Variants in GRM8 observed in about 807,000 individuals in gnomAD.
GRM8 encodes metabotropic glutamate receptor 8.
In GRM8, 47 loss-of-function variants were observed where a neutral mutation model predicts 87.2. The ratio of observed to expected loss-of-function variants is 0.54; its 90% confidence interval spans 0.43 to 0.69. GRM8 has a LOEUF of 0.69. Ranked by LOEUF, GRM8 falls within the 30% of genes least tolerant of loss-of-function variation. GRM8 has a pLI of 0.00. For missense variants in GRM8, 1,019 were observed against 1,139.2 expected (o/e 0.89, Z 1.52); for synonymous variants, 396 against 404.5 (o/e 0.98, Z 0.25).
intron 3 of GRM8, among the ~76,000 whole-genome samples, chr7:127,031,316 T>C (rs1370035620): frequency 6.6e-6 from 1 of 152,170 alleles, no homozygotes; most frequent in Non-Finnish European, 1.5e-5. Context: ...ATATTATTTG[T>C]CATTATCTGC....
intron 6 of GRM8, among the ~76,000 whole-genome samples, chr7:126,776,199 T>C (rs1819452275): frequency 6.6e-6 from 1 of 151,944 alleles, no homozygotes; most frequent in Non-Finnish European, 1.5e-5. Context: ...CAAGCATAGG[T>C]TGAAGGTAGA....
At chr7:126,796,010 A>G (rs1821908847) in intron 6 of GRM8, among the ~76,000 whole-genome samples, 1 of 152,162 alleles carries the variant, frequency 6.6e-6, no homozygotes, top group East Asian at 1.9e-4. Flanking sequence ...GAAGAATTTC[A>G]GCTTCTAATT....
intron 2 of GRM8, among the ~76,000 whole-genome samples, chr7:127,232,237 G>GAT (rs1281027249): frequency 1.4e-5 from 2 of 140,374 alleles, no homozygotes; most frequent in Admixed American, 7.1e-5. Flanking sequence ...GAGAGAGAGA[G>GAT]AGACAGACAG....
chr7:127,106,572 A>C lies in GRM8; in HGVS notation c.651T>G (p.Tyr217Ter). ...VDIVTALGWNYVSTLASEGNY... is the reference protein window; with the variant it reads ...VDIVTALGWN ...TCCCCTCAGAAGCCAGTGTCGAAAC[A>C]TAATTCCATCCCAGTGCTGTCACGA... Residue 217 changes from tyrosine to a stop codon, truncating the protein, a stop_gained, in exon 3 of 11, where the codon TAT becomes TAG. Transcript: ENST00000339582. LOFTEE classifies it high-confidence loss of function. 6.2e-7 allele frequency: 1 copy of C among 1,614,174 alleles called. No homozygotes were observed. The highest frequency in any genetic ancestry group is 8.5e-7 in the Non-Finnish European group (1 of 1,180,010).
chr7:127,083,929 C>A (rs1823156960), intron 3 of GRM8, among the ~76,000 whole-genome samples: 1 of 152,162 alleles, frequency 6.6e-6, no homozygotes, highest in Admixed American at 6.5e-5. Flanking sequence ...GTGCTATGTT[C>A]TGTTCATTTG....
chr7:126,737,832 A>C (rs1814411007), intron 7 of GRM8, among the ~76,000 whole-genome samples: 1 of 152,048 alleles, frequency 6.6e-6, no homozygotes, highest in African/African-American at 2.4e-5. Context: ...CAGACAAGTA[A>C]CTTTGCAATT....
chr7:127,026,429 C>G (rs1816789076), intron 3 of GRM8, among the ~76,000 whole-genome samples: 1 of 152,152 alleles, frequency 6.6e-6, no homozygotes, highest in Admixed American at 6.5e-5. Context: ...GCCACACTGT[C>G]TTCCACAATG....
rs970271362 is a variant in GRM8 at position 126,446,754 on chromosome 7, A to G, written c.2431-382T>C. ...TAGTGGGCCAAGTGTTATTGTAGCA[A>G]TAAGTTTAACCCAGAAGGTAAGTAT... is the stretch of plus-strand genomic sequence containing the variant. On this transcript the variant is annotated intron_variant, in intron 9 of 10. Coordinates refer to ENST00000339582, the MANE Select transcript of GRM8 (RefSeq NM_000845.3). 2.0e-5 allele frequency among the ~76,000 whole-genome samples: 3 copies of G among 152,130 alleles called. No homozygotes were observed. The East Asian group carries it at 5.8e-4, about 30-fold the overall frequency.
rs1045445129 is a variant in GRM8 at position 126,958,463 on chromosome 7, C to A, written c.728-53780G>T. ...GCCGCTTGCGGTATGTCTGGTCCAG[C>A]CGCAGCCTTGCACAGAGCTGGCGCC... On this transcript the variant is annotated intron_variant, in intron 3 of 10. Transcript: ENST00000339582. 5.9e-5 allele frequency among the ~76,000 whole-genome samples: 9 copies of A among 152,310 alleles called. 1 individual carries two copies. The highest frequency in any genetic ancestry group is 5.8e-4 in the East Asian group (3 of 5,160).
chr7:126,720,899 C>T (rs1306141013), intron 7 of GRM8, among the ~76,000 whole-genome samples: 3 of 152,140 alleles, frequency 2.0e-5, no homozygotes, highest in Admixed American at 2.0e-4. Context: ...TTTCAGATGG[C>T]TTTTGAGGAA....
intron 3 of GRM8, among the ~76,000 whole-genome samples, chr7:127,104,658 A>C (rs1011821439): frequency 1.3e-5 from 2 of 152,218 alleles, no homozygotes; most frequent in Non-Finnish European, 2.9e-5. Context: ...TACTGAAAAG[A>C]TCAACACAGA....
At chr7:126,829,580 T>G (rs955348295) in intron 6 of GRM8, among the ~76,000 whole-genome samples, 15 of 151,564 alleles carry the variant, frequency 9.9e-5, no homozygotes, top group Non-Finnish European at 1.9e-4. Flanking sequence ...TCCTTTTATT[T>G]TGAGCCTATG....
intron 3 of GRM8, among the ~76,000 whole-genome samples, chr7:127,088,676 CATGTG>C (rs1823748277): frequency 6.6e-6 from 1 of 152,206 alleles, no homozygotes; most frequent in African/African-American, 2.4e-5. Context: ...CACCATACAG[CATGTG>C]CAATGGACAT....
intron 8 of GRM8, among the ~76,000 whole-genome samples, chr7:126,554,260 C>A (rs1792898291): frequency 6.6e-6 from 1 of 151,224 alleles, no homozygotes; most frequent in East Asian, 1.9e-4. Flanking sequence ...TTAGAGAAAC[C>A]AACTCAATAA....
At chr7:126,506,184 G>A (rs901681692) in intron 9 of GRM8, among the ~76,000 whole-genome samples, 1 of 151,860 alleles carries the variant, frequency 6.6e-6, no homozygotes, top group African/African-American at 2.4e-5. Context: ...TCTTTTTTAA[G>A]GCTGGATAAA....
chr7:126,648,219 A>C (rs78617621), intron 7 of GRM8, among the ~76,000 whole-genome samples: 2,641 of 152,200 alleles, frequency 0.017, 85 homozygotes, highest in African/African-American at 0.06. Flanking sequence ...AAGAGTCCTT[A>C]TTACACTCTC....
At chr7:126,469,755 C>T (rs1480104880) in intron 9 of GRM8, among the ~76,000 whole-genome samples, 2 of 152,152 alleles carry the variant, frequency 1.3e-5, no homozygotes, top group Non-Finnish European at 2.9e-5. Flanking sequence ...TTATAAATTA[C>T]CTAGTCTCGA....
chr7:126,518,202 C>T (rs374842866), intron 9 of GRM8, among the ~76,000 whole-genome samples: 2 of 151,842 alleles, frequency 1.3e-5, no homozygotes, highest in African/African-American at 2.4e-5. Flanking sequence ...TAATGTGAAG[C>T]GAAATAAAAA....
At chr7:126,544,934 C>A (rs1004149674) in intron 8 of GRM8, among the ~76,000 whole-genome samples, 1 of 152,294 alleles carries the variant, frequency 6.6e-6, no homozygotes, top group Admixed American at 6.5e-5. Flanking sequence ...GCTGGTCTGT[C>A]TAAAAATTAT....
Sources: gnomAD v4.1 joint callset for allele counts (sites outside exome capture counted in the v4.1 genomes callset) on GRCh38, gnomAD v4.1.1 for gene constraint, MANE v1.5 for transcripts, NCBI Gene and HGNC (gene_info 2026-07-23, HGNC 2026-07-21) for gene names.